Variants in CACNG4 observed in about 807,000 individuals in gnomAD.
CACNG4 encodes calcium voltage-gated channel auxiliary subunit gamma 4, also known as voltage-dependent calcium channel gamma-4 subunit.
A neutral mutation model predicts 22.9 loss-of-function variants in CACNG4; 8 were observed. That is an observed-to-expected ratio of 0.35 (90% confidence interval 0.21 to 0.63). CACNG4 has a LOEUF of 0.63. CACNG4 is among the 30% of genes least tolerant of loss of function. The pLI is 0.72. For synonymous variants in CACNG4, 188 were observed against 191.9 expected (o/e 0.98, Z 0.17); for missense variants, 357 against 455.4 (o/e 0.78, Z 1.97).
At chr17:66,991,429 C>T (rs1216685450) in intron 1 of CACNG4, among the ~76,000 whole-genome samples, 4 of 152,160 alleles carry the variant, frequency 2.6e-5, no homozygotes, top group Non-Finnish European at 5.9e-5. Flanking sequence ...AAGAGGAGTG[C>T]CCCCTCTCCC....
At chr17:67,001,317 C>T (rs935600265) in intron 1 of CACNG4, among the ~76,000 whole-genome samples, 2 of 152,108 alleles carry the variant, frequency 1.3e-5, no homozygotes, top group Non-Finnish European at 2.9e-5. Flanking sequence ...GACTAATACA[C>T]ACCCCCACAT....
intron 3 of CACNG4, among the ~76,000 whole-genome samples, chr17:67,029,466 C>G (rs917889755): frequency 9.7e-6 from 1 of 103,234 alleles, no homozygotes; most frequent in East Asian, 4.6e-4. Context: ...CCCGTCTCTA[C>G]TAAAAATACA....
At chr17:66,968,917 G>A (rs1326448518) in intron 1 of CACNG4, among the ~76,000 whole-genome samples, 2 of 149,934 alleles carry the variant, frequency 1.3e-5, no homozygotes, top group Admixed American at 6.7e-5. Flanking sequence ...TCCTTCCACT[G>A]TGTGCTAGAC....
Position 67,030,649 on chromosome 17 carries a change from A to G in CACNG4, c.629A>G (p.Asn210Ser). ...GCTGTAAACATTTACATTGAGAAAAATAAAGAGTTGAGGTTTAAGACCAAA... is the reference window on the plus strand; with the variant it reads ...GCTGTAAACATTTACATTGAGAAAAGTAAAGAGTTGAGGTTTAAGACCAAA... ...VLAVNIYIEKNKELRFKTKRE... is the reference protein window; with the variant it reads ...VLAVNIYIEKSKELRFKTKRE... Residue 210 changes from asparagine to serine, a missense_variant, in exon 4 of 4, where the codon AAT becomes AGT. Physicochemically the swap from Asn to Ser is conservative, Grantham distance 46. Around this residue, in one of 3 missense-constraint regions of CACNG4, gnomAD observed 240 missense variants for 277.6 expected, o/e 0.86. Transcript: ENST00000262138. The surrounding 1 kb of genome is among the most constrained non-coding windows in gnomAD (Gnocchi z 6.4). 6.2e-7 allele frequency: 1 copy of G among 1,614,222 alleles called. No homozygotes were observed. The highest frequency in any genetic ancestry group is 1.1e-5 in the South Asian group (1 of 91,082).
chr17:67,022,614 A>T (rs192230693), intron 2 of CACNG4, among the ~76,000 whole-genome samples: 2 of 152,142 alleles, frequency 1.3e-5, no homozygotes, highest in South Asian at 4.1e-4. Flanking sequence ...AAGGAGACAA[A>T]CCCTGCCTTC....
intron 2 of CACNG4, among the ~76,000 whole-genome samples, chr17:67,019,555 G>T (rs1158662130): frequency 6.6e-6 from 1 of 152,192 alleles, no homozygotes; most frequent in Non-Finnish European, 1.5e-5. Context: ...AGCCACAGAG[G>T]CCCTTGGTGC....
At chr17:66,990,685 A>ATTTTATTTTATTTTATTTTAT (rs369531301) in intron 1 of CACNG4, among the ~76,000 whole-genome samples, 7 of 140,448 alleles carry the variant, frequency 5.0e-5, no homozygotes, top group African/African-American at 1.9e-4. Context: ...ATTTTATTTT[A>ATTTTATTTTATTTTATTTTAT]TTTATTTATT....
intron 1 of CACNG4, among the ~76,000 whole-genome samples, chr17:66,975,570 A>G (rs930482603): frequency 2.8e-4 from 43 of 152,330 alleles, no homozygotes; most frequent in African/African-American, 1.0e-3. Context: ...CTGGCACCTT[A>G]TAGATATTCA....
Position 67,030,985 on chromosome 17 carries a change from G to A in CACNG4, c.965G>A (p.Arg322Gln), listed in dbSNP as rs751878206. 10 of 1,612,228 alleles carry A rather than the reference G, an allele frequency of 6.2e-6. No homozygotes were observed. Among genetic ancestry groups the A allele is most frequent in the Middle Eastern group, 1.6e-4 (1 of 6,080 alleles). The stretch of plus-strand genomic sequence containing the variant: ...GGTTTCCACGTCAGCATGCTGAACC[G>A]ACGGACGACCCCTGTGTGAGCCGCC... Reference protein sequence around the residue: ...KEGFHVSMLNRRTTPV With the variant: ...KEGFHVSMLNQRTTPV Residue 322 changes from arginine to glutamine, a missense_variant, in exon 4 of 4, where the codon CGA becomes CAA. This residue lies in a region of CACNG4 where 240 missense variants were observed against 277.6 expected (regional missense o/e 0.86). Coordinates refer to ENST00000262138, the MANE Select transcript of CACNG4 (RefSeq NM_014405.4). The surrounding 1 kb of genome is among the most constrained non-coding windows in gnomAD (Gnocchi z 6.4).
At chr17:66,973,886 A>G (rs3826347) in intron 1 of CACNG4, among the ~76,000 whole-genome samples, 67,274 of 152,020 alleles carry the variant, frequency 0.44, 15,322 homozygotes, top group Middle Eastern at 0.55. Context: ...CTGTATCCCC[A>G]TGAGACTCCG....
At chr17:66,978,826 T>C (rs1255939179) in intron 1 of CACNG4, among the ~76,000 whole-genome samples, 2 of 152,248 alleles carry the variant, frequency 1.3e-5, no homozygotes, top group Non-Finnish European at 2.9e-5. Context: ...TCCTCTTGCA[T>C]GAAAAATGGC....
intron 1 of CACNG4, among the ~76,000 whole-genome samples, chr17:67,002,722 G>A (rs1598114808): frequency 6.6e-6 from 1 of 152,164 alleles, no homozygotes; most frequent in Admixed American, 6.5e-5. Context: ...AGAAGCAGGT[G>A]AGAGAATCCT....
intron 1 of CACNG4, among the ~76,000 whole-genome samples, chr17:67,017,885 C>T (rs924422462): frequency 6.6e-6 from 1 of 152,028 alleles, no homozygotes; most frequent in East Asian, 1.9e-4. Flanking sequence ...CTGCTTGCCC[C>T]GGGCAGCTCT....
chr17:67,031,273 C>T lies in CACNG4; in HGVS notation c.*269C>T. 1.6e-6 allele frequency: 1 copy of T among 632,810 alleles called. No individual in the cohort carries two copies. Among genetic ancestry groups the T allele is most frequent in the Non-Finnish European group, 2.9e-6 (1 of 342,004 alleles). The allele number at this position is 632,810 out of a possible 1,614,324, so 39.2% of individuals were successfully genotyped here. A position where few individuals can be genotyped will look rare whatever the true frequency, so the allele number is the denominator to read the frequency against. On this transcript the variant is annotated 3_prime_UTR_variant, in exon 4 of 4. Coordinates refer to ENST00000262138, the MANE Select transcript of CACNG4 (RefSeq NM_014405.4). This position sits in a 1 kb window ranked among gnomAD's most constrained non-coding sequence, Gnocchi z 4.0. ...AGGGTCTCTGAAATCTCCCGGGAAG[C>T]CCCAGAGCTTTCCTGAGGCTGCCTG...
Position 66,965,194 on chromosome 17 carries a change from A to ACACACACG in CACNG4, c.220+64_220+65insACACACGC, listed in dbSNP as rs1229804995. On this transcript the variant is annotated intron_variant, in intron 1 of 3. Coordinates refer to ENST00000262138, the MANE Select transcript of CACNG4 (RefSeq NM_014405.4). The stretch of plus-strand genomic sequence containing the variant: ...CACACACACACACACACATATACAC[A>ACACACACG]CGCGCGCGCGCGCGCGCGCACACAC... 2.7e-5 allele frequency: 25 copies of ACACACACG among 910,046 alleles called. No homozygotes were observed. In the Admixed American group the frequency reaches 5.3e-4, roughly 19 times the overall value. 56.4% of individuals were successfully genotyped at this position (910,046 alleles called of 1,614,324 possible).
At chr17:67,010,796 G>C (rs1256736276) in intron 1 of CACNG4, among the ~76,000 whole-genome samples, 2 of 152,164 alleles carry the variant, frequency 1.3e-5, no homozygotes, top group African/African-American at 2.4e-5. Context: ...AAATGGGGTG[G>C]TGTGGGAGAG....
chr17:66,989,395 G>A (rs2143304402), intron 1 of CACNG4, among the ~76,000 whole-genome samples: 1 of 151,646 alleles, frequency 6.6e-6, no homozygotes, highest in Non-Finnish European at 1.5e-5. Flanking sequence ...TTGCAGTGAT[G>A]CAGCTACAAG....
chr17:66,990,856 A>G (rs1409624327), intron 1 of CACNG4, among the ~76,000 whole-genome samples: 2 of 151,292 alleles, frequency 1.3e-5, no homozygotes, highest in East Asian at 1.9e-4. Context: ...AATTTTTTGT[A>G]TTTTTAGTAG....
rs770943935 is a variant in CACNG4, at chr17:66,964,968, C to T, written c.57C>T (p.Ala19=). The T allele has an allele frequency of 3.7e-6, 6 of 1,609,930 alleles. No individual in the cohort carries two copies. The East Asian group carries it at 1.3e-4, about 36-fold the overall frequency. ...TGCTGACCACGGCCGGAGCCTTCGC[C>T]GCCTTCTCGCTCATGGCCATCGCCA... ...QMLLTTAGAF[A]AFSLMAIAIG... Residue 19 remains alanine (A), a synonymous_variant, in exon 1 of 4, where the codon GCC becomes GCT. Transcript: ENST00000262138.
Sources: gnomAD v4.1 joint callset for allele counts (sites outside exome capture counted in the v4.1 genomes callset) on GRCh38, gnomAD v4.1.1 for gene constraint, gnomAD v4.1.1 regional missense constraint, Gnocchi (gnomAD v3.1) non-coding constraint, MANE v1.5 for transcripts, NCBI Gene and HGNC (gene_info 2026-07-23, HGNC 2026-07-21) for gene names.